GYS1: variants seen among roughly 807,000 people sequenced by gnomAD.
The protein encoded by GYS1 is glycogen [starch] synthase, muscle.
Under a neutral mutation model 89.1 loss-of-function variants are expected in GYS1, and 60 were observed. The ratio of observed to expected loss-of-function variants is 0.67; its 90% CI spans 0.55 to 0.84. The LOEUF is 0.84. Ranked by LOEUF, GYS1 falls within the 40% of genes least tolerant of loss-of-function variation. The pLI is 0.00. For missense variants in GYS1, 888 were observed against 1,003.1 expected (o/e 0.89, Z 1.55); for synonymous variants, 366 against 401.7 (o/e 0.91, Z 1.06).
intron 8 of GYS1, among the ~76,000 whole-genome samples, chr19:48,979,646 C>CTTTTTTTTT (rs56291141): frequency 1.7e-5 from 2 of 114,974 alleles, no homozygotes; most frequent in Non-Finnish European, 3.6e-5. Context: ...CTCTTTCTTT[C>CTTTTTTTTT]TTTTTTTTTT....
rs367757480 is a variant in GYS1 at position 48,971,041 on chromosome 19, A to G, written c.1550-18T>C. 10 of 1,559,050 alleles carry G rather than the reference A, an allele frequency of 6.4e-6. No individual in the cohort carries two copies. The African/African-American group carries it at 1.4e-4, about 21-fold the overall frequency. On this transcript the variant is annotated intron_variant, in intron 12 of 15. Transcript: ENST00000323798. ...GCACTCAGCTGCGGGAAGGCAGGAG[A>G]GAGACCCACTTAGCTTCCCTCATCG...
rs575715466 is a variant in GYS1, at chr19:48,978,399, A to G, written c.1170-242T>C. Among the ~76,000 whole-genome samples, 4 of 147,610 alleles carry G rather than the reference A, an allele frequency of 2.7e-5. No individual in the cohort carries two copies. The South Asian group carries it at 8.6e-4, about 32-fold the overall frequency. On this transcript the variant is annotated intron_variant, in intron 8 of 15. Coordinates refer to ENST00000323798, the MANE Select transcript of GYS1 (RefSeq NM_002103.5). The stretch of plus-strand genomic sequence containing the variant: ...AGCCACCGCGCCCGGCTAATTTTCT[A>G]TTTTTAGTAGAGACGGGGTTTCTCC...
chr19:48,969,695 C>A, intron 15 of GYS1, 80 bp downstream of exon 15: 1 of 1,575,604 alleles, frequency 6.3e-7, no homozygotes, highest in South Asian at 1.1e-5. Context: ...TCTAGGCCTT[C>A]CCACTCCAGG....
At position 48,981,585 on chromosome 19, in the gene GYS1, T is replaced by C. The variant is rs2038763855; in HGVS notation, c.1114A>G (p.Thr372Ala). 6.2e-7 allele frequency: 1 copy of C among 1,613,810 alleles called. No homozygotes were observed. The highest frequency in any genetic ancestry group is 8.5e-7 in the Non-Finnish European group (1 of 1,179,722). ...AGGGTTTCCACGTTGAAATTGTTGG[T>C]CCGCGCTGGCATGATGAAGAAGGCA... ...VVAFFIMPAR[T>A]NNFNVETLKG... is the part of the protein sequence containing the mutation. The change falls in exon 8 of 16, where the codon ACC (threonine) becomes GCC (alanine). Residue 372 changes from threonine (T) to alanine (A), a missense_variant. Physicochemically the swap from Thr to Ala is moderately conservative, Grantham distance 58. Coordinates refer to ENST00000323798, the MANE Select transcript of GYS1 (RefSeq NM_002103.5).
chr19:48,975,911 CA>C (rs760164673), intron 10 of GYS1, among the ~76,000 whole-genome samples: 595 of 41,334 alleles, frequency 0.014, 3 homozygotes, highest in East Asian at 0.042. Flanking sequence ...GACTCCGTCT[CA>C]AAAAAAAAAA....
intron 5 of GYS1, among the ~76,000 whole-genome samples, chr19:48,984,868 G>A (rs568391027): frequency 6.6e-5 from 10 of 152,038 alleles, no homozygotes; most frequent in East Asian, 3.9e-4. Context: ...GCGACAGAGC[G>A]AGACTCCGTC....
rs1250991772 is a variant in GYS1, at chr19:48,978,161, G to A, written c.1170-4C>T. Reference sequence around the variant, plus strand: ...CTTCACCGTGTTGGCCGTGTCCCTGGAGGAAGCAGAGCAACAGGGTCACAT... The same window carrying A: ...CTTCACCGTGTTGGCCGTGTCCCTGAAGGAAGCAGAGCAACAGGGTCACAT... On this transcript the variant is annotated splice_polypyrimidine_tract_variant and splice_region_variant and intron_variant, in intron 8 of 15. Transcript: ENST00000323798. The A allele has an allele frequency of 1.9e-6, 3 of 1,612,424 alleles. No homozygotes were observed. The African/African-American group carries it at 4.0e-5, about 22-fold the overall frequency.
chr19:48,987,075 C>T, intron 3 of GYS1, 119 bp downstream of exon 3: 3 of 763,478 alleles, frequency 3.9e-6, no homozygotes, highest in Middle Eastern at 2.2e-4. Flanking sequence ...CAGAGCTAAT[C>T]CTTGGATTAA....
rs1158991795 is a variant in GYS1, at chr19:48,987,287, GA to G, written c.398del (p.Leu133ProfsTer25). The G allele has an allele frequency of 6.2e-7, 1 of 1,612,894 alleles. No homozygotes were observed. The highest frequency in any genetic ancestry group is 8.5e-7 in the Non-Finnish European group (1 of 1,179,598). ...GCACTCCGATGTTGCAGGTATCCCA[GA>G]GCTCTCCCTTCCAGCGCTCCAGGGC... is the stretch of plus-strand genomic sequence containing the variant. ...AWALERWKGE[L>X]WDTCNIGVPW... On this transcript the variant is annotated frameshift_variant, in exon 3 of 16. Transcript: ENST00000323798. LOFTEE classifies it high-confidence loss of function.
chr19:48,990,762 C>A (rs754046710), intron 2 of GYS1, among the ~76,000 whole-genome samples: 3 of 152,194 alleles, frequency 2.0e-5, no homozygotes, highest in Non-Finnish European at 4.4e-5. Flanking sequence ...TCCTTCCTGA[C>A]CTCAGGCCCA....
intron 10 of GYS1, 77 bp from the exon 11 acceptor site, chr19:48,974,810 C>T (rs2122477980): frequency 1.0e-6 from 1 of 1,003,068 alleles, no homozygotes; most frequent in Middle Eastern, 2.2e-4. Context: ...CCATGCGGAC[C>T]CTGGGGGAGC....
chr19:48,981,230 T>G (rs2038756973), intron 8 of GYS1, among the ~76,000 whole-genome samples: 2 of 151,760 alleles, frequency 1.3e-5, no homozygotes, highest in Admixed American at 6.6e-5. Flanking sequence ...CTGGCCAATG[T>G]GGTGAAACCC....
In GYS1 at chr19:48,991,211, G is replaced by T; in HGVS notation, c.300+91C>A. The T allele has an allele frequency of 7.3e-7, 1 of 1,373,076 alleles. No individual in the cohort carries two copies. 85.1% of individuals were successfully genotyped at this position (1,373,076 alleles called of 1,614,324 possible). A position where few individuals can be genotyped will look rare whatever the true frequency, so the allele number is the denominator to read the frequency against. On this transcript the variant is annotated intron_variant, in intron 2 of 15. Coordinates refer to ENST00000323798, the MANE Select transcript of GYS1 (RefSeq NM_002103.5). The surrounding 1 kb of genome is among the most constrained non-coding windows in gnomAD (Gnocchi z 4.7). Reference sequence around the variant, plus strand: ...CAAGCCTGCCTCGCTCTCTGGCTGGGGCTGTCCACCCTGCACCCTCTCCGT... The same window carrying T: ...CAAGCCTGCCTCGCTCTCTGGCTGGTGCTGTCCACCCTGCACCCTCTCCGT...
intron 2 of GYS1, among the ~76,000 whole-genome samples, chr19:48,989,998 T>TTG (rs1232173413): frequency 4.0e-5 from 2 of 49,646 alleles, no homozygotes; most frequent in East Asian, 1.1e-3. Flanking sequence ...GCCCTTTTGC[T>TTG]GGGGGGGGGG....
intron 12 of GYS1, among the ~76,000 whole-genome samples, chr19:48,973,681 G>A (rs1415314321): frequency 1.3e-5 from 2 of 151,860 alleles, no homozygotes; most frequent in Admixed American, 1.3e-4. Flanking sequence ...ACCACACCTG[G>A]CTAATTTTTG....
intron 2 of GYS1, among the ~76,000 whole-genome samples, chr19:48,989,605 A>G (rs2038891908): frequency 6.6e-6 from 1 of 151,712 alleles, no homozygotes; most frequent in South Asian, 2.1e-4. Context: ...TTGTATTTTT[A>G]GTAGAGACAG....
chr19:48,979,168 C>G (rs962042959), intron 8 of GYS1, among the ~76,000 whole-genome samples: 4 of 151,840 alleles, frequency 2.6e-5, no homozygotes, highest in African/African-American at 4.8e-5. Context: ...ATGCTAAGCC[C>G]CATTTTATAC....
intron 8 of GYS1, among the ~76,000 whole-genome samples, chr19:48,981,247 T>C (rs527707868): frequency 1.3e-5 from 2 of 151,586 alleles, no homozygotes; most frequent in South Asian, 4.2e-4. Flanking sequence ...ACCCCATCTC[T>C]ACTGAAAATA....
chr19:48,982,206 A>G (rs757950357), intron 7 of GYS1, 49 bp downstream of exon 7: 8 of 1,602,558 alleles, frequency 5.0e-6, no homozygotes, highest in Non-Finnish European at 6.8e-6. Flanking sequence ...CTCCCTAGTT[A>G]TAAACTGCTT....
Sources: allele counts gnomAD v4.1 joint callset (sites outside exome capture counted in the v4.1 genomes callset), GRCh38; gene constraint gnomAD v4.1.1; non-coding constraint Gnocchi (gnomAD v3.1); transcripts MANE v1.5; gene names NCBI Gene and HGNC (gene_info 2026-07-23, HGNC 2026-07-21).